Variants in SLC12A6 observed in about 807,000 individuals in gnomAD.
The protein encoded by SLC12A6 is solute carrier family 12 member 6.
Under a neutral mutation model 135.3 loss-of-function variants are expected in SLC12A6, and 66 were observed. That is an observed-to-expected ratio of 0.49 (90% CI 0.40 to 0.60). The LOEUF is 0.60. SLC12A6 is among the 20% of genes least tolerant of loss of function. The pLI, the probability that SLC12A6 is intolerant of heterozygous loss-of-function variation, is 0.00. For synonymous variants in SLC12A6, 513 were observed against 508.8 expected (o/e 1.01, Z -0.11); for missense variants, 1,058 against 1,452.3 (o/e 0.73, Z 4.41).
In SLC12A6 at chr15:34,285,056, A is replaced by C. The variant is rs577077251; in HGVS notation, c.272-9667T>G. ...GATATAGATGTTGGAGGAGGAATCA[A>C]AGATCATGTGCGGCCTTGTAGGATA... On this transcript the variant is annotated intron_variant, in intron 2 of 25. Transcript: ENST00000354181. Among the ~76,000 whole-genome samples the C allele has an allele frequency of 7.2e-5, 11 of 152,372 alleles. No individual in the cohort carries two copies. In the South Asian group the frequency reaches 2.3e-3, roughly 32 times the overall value.
At chr15:34,304,419 G>A (rs1022123197) in intron 2 of SLC12A6, among the ~76,000 whole-genome samples, 3 of 152,110 alleles carry the variant, frequency 2.0e-5, no homozygotes, top group African/African-American at 7.2e-5. Flanking sequence ...CTTAATTACT[G>A]GGACATATGG....
Position 34,256,280 on chromosome 15 carries a change from T to G in SLC12A6, c.694A>C (p.Met232Leu). The G allele has an allele frequency of 6.3e-7, 1 of 1,599,838 alleles. No homozygotes were observed. The highest frequency in any genetic ancestry group is 8.6e-7 in the Non-Finnish European group (1 of 1,167,020). The change falls in exon 7 of 26, where the codon ATG becomes CTG. Residue 232 changes from methionine to leucine, a missense_variant. Transcript: ENST00000354181. ...GCACTCATGGAGATAGCAGTCAACA[T>G]TGTCTGCAGAGAAAAGGAAAGGAGA... The part of the protein sequence containing the change: ...AIVLICCCCT[M>L]LTAISMSAIA...
intron 6 of SLC12A6, among the ~76,000 whole-genome samples, chr15:34,256,724 C>T: frequency 6.6e-6 from 1 of 152,148 alleles, no homozygotes; most frequent in East Asian, 1.9e-4. Flanking sequence ...AAAAATATTA[C>T]CCGGTAGCAC....
At chr15:34,311,645 T>A (rs2141076925) in intron 2 of SLC12A6, among the ~76,000 whole-genome samples, 1 of 152,336 alleles carries the variant, frequency 6.6e-6, no homozygotes, top group Admixed American at 6.5e-5. Context: ...AAGTCACTTA[T>A]TCACCAGCCT....
intron 2 of SLC12A6, among the ~76,000 whole-genome samples, chr15:34,297,348 A>C (rs1009065721): frequency 6.6e-6 from 1 of 151,928 alleles, no homozygotes; most frequent in African/African-American, 2.4e-5. Flanking sequence ...AAAATTAAAT[A>C]AACACAAAGA....
intron 9 of SLC12A6, among the ~76,000 whole-genome samples, chr15:34,253,465 A>G (rs1237114188): frequency 6.6e-6 from 1 of 152,208 alleles, no homozygotes. Context: ...TAAGCAGATT[A>G]AAAGTTTAAG....
chr15:34,306,637 C>T (rs963484356), intron 2 of SLC12A6, among the ~76,000 whole-genome samples: 2 of 152,068 alleles, frequency 1.3e-5, no homozygotes, highest in Non-Finnish European at 2.9e-5. Flanking sequence ...GTGAGATATT[C>T]AAGTAGCCAC....
Position 34,336,733 on chromosome 15 carries a change from C to T in SLC12A6, c.-53G>A. 1 of 1,434,174 alleles carries T rather than the reference C, an allele frequency of 7.0e-7. No individual in the cohort carries two copies. Among genetic ancestry groups the T allele is most frequent in the African/African-American group, 1.4e-5 (1 of 71,500 alleles). 88.8% of individuals were successfully genotyped at this position (1,434,174 alleles called of 1,614,324 possible). A position where few individuals can be genotyped will look rare whatever the true frequency, so the allele number is the denominator to read the frequency against. Reference sequence around the variant, plus strand: ...GGGGGGAACCTCGCAAAATCTTCCTCTTACGCTAGCTACTTTTGACTGCAA... The same window carrying T: ...GGGGGGAACCTCGCAAAATCTTCCTTTTACGCTAGCTACTTTTGACTGCAA... On this transcript the variant is annotated 5_prime_UTR_variant, in exon 2 of 26. Coordinates refer to ENST00000354181, the MANE Select transcript of SLC12A6 (RefSeq NM_001365088.1).
intron 13 of SLC12A6, among the ~76,000 whole-genome samples, chr15:34,248,956 T>A (rs182283790): frequency 6.6e-6 from 1 of 152,248 alleles, no homozygotes; most frequent in East Asian, 1.9e-4. Flanking sequence ...TAAGACATAT[T>A]AAACTCTAAG....
chr15:34,249,808 G>A (rs1170297732), intron 13 of SLC12A6, among the ~76,000 whole-genome samples: 1 of 151,956 alleles, frequency 6.6e-6, no homozygotes, highest in Non-Finnish European at 1.5e-5. Flanking sequence ...TTTTTTGAAG[G>A]ACTGTATTTA....
intron 2 of SLC12A6, among the ~76,000 whole-genome samples, chr15:34,317,178 C>A (rs1185792388): frequency 6.6e-6 from 1 of 152,102 alleles, no homozygotes; most frequent in Admixed American, 6.6e-5. Flanking sequence ...AATAACCTTG[C>A]GGACAAAGAG....
At chr15:34,337,062 CCA>C (rs572206421) in intron 1 of SLC12A6, 5 of 329,498 alleles carry the variant, frequency 1.5e-5, no homozygotes, top group South Asian at 1.0e-4. Context: ...CCCTCAGCCC[CCA>C]GTTTCCTGTC....
rs1284984330 is a variant in SLC12A6, at chr15:34,230,860, T to TATTA, written c.*3017_*3020dup. On this transcript the variant is annotated 3_prime_UTR_variant, in exon 26 of 26. Transcript: ENST00000354181. ...GTGTTTCGGGCTGAAGCAGTGGTTA[T>TATTA]ATTAAAAGCCACTAATTCCCTTATC... 6.6e-6 allele frequency: 1 copy of TATTA among 152,662 alleles called. No individual in the cohort carries two copies. Among genetic ancestry groups the TATTA allele is most frequent in the East Asian group, 1.9e-4 (1 of 5,208 alleles). The allele number at this position is 152,662 out of a possible 1,614,324, so 9.5% of individuals were successfully genotyped here.
At chr15:34,328,797 G>C (rs58343025) in intron 2 of SLC12A6, among the ~76,000 whole-genome samples, 28,111 of 152,018 alleles carry the variant, frequency 0.18, 2,909 homozygotes, top group East Asian at 0.33. Flanking sequence ...GTGGGAAGAT[G>C]GCTTGAGCCC....
chr15:34,281,528 G>A (rs903637290), intron 2 of SLC12A6, among the ~76,000 whole-genome samples: 7 of 151,988 alleles, frequency 4.6e-5, no homozygotes, highest in African/African-American at 7.3e-5. Flanking sequence ...AGTGGCTCAC[G>A]CCTGTAATCC....
At chr15:34,282,010 T>C (rs986678952) in intron 2 of SLC12A6, among the ~76,000 whole-genome samples, 2 of 152,058 alleles carry the variant, frequency 1.3e-5, no homozygotes, top group African/African-American at 4.8e-5. Flanking sequence ...TAGCTAAAGA[T>C]CATTAAGCTA....
At chr15:34,335,032 T>C (rs1056108648) in intron 2 of SLC12A6, among the ~76,000 whole-genome samples, 3 of 152,226 alleles carry the variant, frequency 2.0e-5, no homozygotes, top group African/African-American at 7.2e-5. Context: ...TTAACACTGG[T>C]ATAGTCTTTA....
At chr15:34,308,920 G>A (rs1052289862) in intron 2 of SLC12A6, among the ~76,000 whole-genome samples, 3 of 152,134 alleles carry the variant, frequency 2.0e-5, no homozygotes, top group African/African-American at 7.2e-5. Flanking sequence ...AAACAGCGTG[G>A]TGTGGCGAAA....
chr15:34,285,570 G>A (rs1378418561), intron 2 of SLC12A6, among the ~76,000 whole-genome samples: 1 of 151,512 alleles, frequency 6.6e-6, no homozygotes, highest in Non-Finnish European at 1.5e-5. Context: ...CCAGTGGGAT[G>A]GGTTTTTAAA....
Sources: allele counts gnomAD v4.1 joint callset (sites outside exome capture counted in the v4.1 genomes callset), GRCh38; gene constraint gnomAD v4.1.1; transcripts MANE v1.5; gene names NCBI Gene and HGNC (gene_info 2026-07-23, HGNC 2026-07-21).